DGKI: variants seen among roughly 807,000 people sequenced by gnomAD.
DGKI encodes the protein DAG kinase iota.
DGKI carries 55 observed loss-of-function variants against 147.5 expected under a neutral mutation model. That is an observed-to-expected ratio of 0.37 (90% CI 0.30 to 0.47). DGKI has a LOEUF of 0.47. Ranked by LOEUF, DGKI falls within the 20% of genes least tolerant of loss-of-function variation. The pLI, the probability that DGKI is intolerant of heterozygous loss-of-function variation, is 1.00. For synonymous variants in DGKI, 469 were observed against 477.1 expected (o/e 0.98, Z 0.22); for missense variants, 1,007 against 1,323.8 (o/e 0.76, Z 3.71).
intron 1 of DGKI, among the ~76,000 whole-genome samples, chr7:137,761,552 A>G (rs889581010): frequency 6.6e-6 from 1 of 152,132 alleles, no homozygotes; most frequent in African/African-American, 2.4e-5. Context: ...GCACTCAGCG[A>G]TCTCTTCCTC....
chr7:137,480,923 A>C (rs1319004443), intron 23 of DGKI, among the ~76,000 whole-genome samples: 1 of 152,050 alleles, frequency 6.6e-6, no homozygotes, highest in Non-Finnish European at 1.5e-5. Flanking sequence ...ACCCTACTAC[A>C]TCTATAAATG....
At chr7:137,616,000 T>C (rs1328996869) in intron 8 of DGKI, among the ~76,000 whole-genome samples, 1 of 151,220 alleles carries the variant, frequency 6.6e-6, no homozygotes, top group African/African-American at 2.5e-5. Context: ...AAATAGACTA[T>C]GGTTCATTGG....
In DGKI at chr7:137,450,343, T is replaced by C. The variant is rs559719869; in HGVS notation, c.2736-6241A>G. Among the ~76,000 whole-genome samples the C allele has an allele frequency of 3.9e-5, 6 of 152,356 alleles. No individual in the cohort carries two copies. The East Asian group carries it at 1.2e-3, about 29-fold the overall frequency. On this transcript the variant is annotated intron_variant, in intron 27 of 32. Coordinates refer to ENST00000614521, the MANE Select transcript of DGKI (RefSeq NM_001321708.2). The stretch of plus-strand genomic sequence containing the variant: ...GTAATGCATACGTTAATTAGCTACA[T>C]AATTAATGGTTATATATATTTCACA...
chr7:137,832,066 T>A (rs944377045), intron 1 of DGKI, among the ~76,000 whole-genome samples: 8 of 152,226 alleles, frequency 5.3e-5, no homozygotes, highest in African/African-American at 1.9e-4. Flanking sequence ...CTTGGGCAGC[T>A]CCACCCTTGT....
At chr7:137,701,640 T>C (rs1022688751) in intron 1 of DGKI, among the ~76,000 whole-genome samples, 1 of 152,052 alleles carries the variant, frequency 6.6e-6, no homozygotes, top group African/African-American at 2.4e-5. Context: ...TACAATAAAA[T>C]ATTTGTAAGA....
intron 23 of DGKI, among the ~76,000 whole-genome samples, chr7:137,483,896 TG>T (rs1214307490): frequency 6.6e-6 from 1 of 152,022 alleles, no homozygotes; most frequent in African/African-American, 2.4e-5. Flanking sequence ...GAAAGCACTA[TG>T]CTTTTTAAAA....
intron 1 of DGKI, among the ~76,000 whole-genome samples, chr7:137,770,246 C>T (rs1376733016): frequency 2.0e-5 from 3 of 151,556 alleles, no homozygotes; most frequent in Non-Finnish European, 4.4e-5. Flanking sequence ...TGTTCTCTCT[C>T]ATAAGCGGGA....
chr7:137,494,823 T>C (rs1609249), intron 21 of DGKI, among the ~76,000 whole-genome samples: 1,824 of 152,244 alleles, frequency 0.012, 37 homozygotes, highest in African/African-American at 0.042. Context: ...CACATATTAA[T>C]GCTAACTTTG....
At chr7:137,715,032 A>G (rs1306360584) in intron 1 of DGKI, among the ~76,000 whole-genome samples, 1 of 152,194 alleles carries the variant, frequency 6.6e-6, no homozygotes, top group Admixed American at 6.5e-5. Context: ...TAACCGCCAT[A>G]AAAAGGACTA....
chr7:137,778,240 T>A (rs1796416612), intron 1 of DGKI, among the ~76,000 whole-genome samples: 1 of 152,076 alleles, frequency 6.6e-6, no homozygotes, highest in Non-Finnish European at 1.5e-5. Flanking sequence ...CATAGAGGCA[T>A]TTTAGTCAGG....
chr7:137,444,213 A>G (rs1813623315), intron 27 of DGKI, 111 bp from the exon 28 acceptor site: 13 of 651,968 alleles, frequency 2.0e-5, no homozygotes, highest in Non-Finnish European at 3.3e-5. Context: ...GAAAGTCAAT[A>G]TAGTAGACAG....
chr7:137,441,420 C>CAAAAA (rs538892825), intron 28 of DGKI, among the ~76,000 whole-genome samples: 22 of 67,536 alleles, frequency 3.3e-4, no homozygotes, highest in Admixed American at 5.3e-4. Flanking sequence ...GACTCCGTCT[C>CAAAAA]AAAAAAAAAA....
intron 21 of DGKI, among the ~76,000 whole-genome samples, chr7:137,499,093 C>G (rs1396189768): frequency 6.6e-6 from 1 of 152,150 alleles, no homozygotes; most frequent in Admixed American, 6.5e-5. Context: ...CTTTTCTTTA[C>G]ACAGGGGGAT....
intron 21 of DGKI, among the ~76,000 whole-genome samples, chr7:137,499,557 A>G (rs1042646425): frequency 2.6e-5 from 4 of 152,058 alleles, no homozygotes; most frequent in South Asian, 4.1e-4. Context: ...ATAAAAGTGA[A>G]TTCTTTCTTC....
In DGKI at chr7:137,393,874, T is replaced by G. The variant is rs528290671; in HGVS notation, c.3057+1724A>C. ...AGTCCACTAGGAAGGCAAAGTTATT[T>G]CATAAAGTGGACTGCAGTTTGAGGA... On this transcript the variant is annotated intron_variant, in intron 32 of 32. Coordinates refer to ENST00000614521, the MANE Select transcript of DGKI (RefSeq NM_001321708.2). Among the ~76,000 whole-genome samples the G allele has an allele frequency of 2.0e-5, 3 of 152,272 alleles. No homozygotes were observed. The East Asian group carries it at 5.8e-4, about 29-fold the overall frequency.
At position 137,632,149 on chromosome 7, in the gene DGKI, A is replaced by G. The variant is rs181567500; in HGVS notation, c.805-8595T>C. On this transcript the variant is annotated intron_variant, in intron 6 of 32. Transcript: ENST00000614521. Reference sequence around the variant, plus strand: ...AGAGAGCTATGGAAATGGTTAACATAGCATGACATCCCTACAAGAAAGATG... The same window carrying G: ...AGAGAGCTATGGAAATGGTTAACATGGCATGACATCCCTACAAGAAAGATG... 1.4e-4 allele frequency among the ~76,000 whole-genome samples: 21 copies of G among 152,362 alleles called. No homozygotes were observed. The East Asian group carries it at 4.0e-3, about 29-fold the overall frequency.
chr7:137,760,141 T>C (rs1427681467), intron 1 of DGKI, among the ~76,000 whole-genome samples: 1 of 152,152 alleles, frequency 6.6e-6, no homozygotes, highest in Non-Finnish European at 1.5e-5. Flanking sequence ...CCACCTCACC[T>C]ACTAATCTTT....
chr7:137,716,172 C>T (rs1036337960), intron 1 of DGKI, among the ~76,000 whole-genome samples: 3 of 152,166 alleles, frequency 2.0e-5, no homozygotes, highest in African/African-American at 7.2e-5. Context: ...TTCTTATTCA[C>T]GACTTTAATA....
At chr7:137,412,294 G>T (rs1812193470) in intron 28 of DGKI, 87 bp from the exon 29 acceptor site, 1 of 1,261,496 alleles carries the variant, frequency 7.9e-7, no homozygotes, top group African/African-American at 1.5e-5. Flanking sequence ...TTTTGGATAA[G>T]TAGTCTACAT....
Sources: gnomAD v4.1 joint callset for allele counts (sites outside exome capture counted in the v4.1 genomes callset) on GRCh38, gnomAD v4.1.1 for gene constraint, MANE v1.5 for transcripts, NCBI Gene and HGNC (gene_info 2026-07-23, HGNC 2026-07-21) for gene names.